Variants in SLC15A5 observed in about 807,000 individuals in gnomAD.
SLC15A5 encodes Peptide/histidine transporter ENSP00000340402.
A neutral mutation model predicts 56.1 loss-of-function variants in SLC15A5; 58 were observed. The ratio of observed to expected loss-of-function variants is 1.03; its 90% CI spans 0.84 to 1.29. The LOEUF is 1.29. Ranked by LOEUF, SLC15A5 falls within the 50% of genes most tolerant of loss-of-function variation. The pLI is 0.00. For missense variants in SLC15A5, 681 were observed against 672.1 expected (o/e 1.01, Z -0.15); for synonymous variants, 264 against 250.5 (o/e 1.05, Z -0.51).
intron 6 of SLC15A5, among the ~76,000 whole-genome samples, chr12:16,220,327 A>G (rs1248907445): frequency 6.6e-6 from 1 of 152,030 alleles, no homozygotes; most frequent in Non-Finnish European, 1.5e-5. Context: ...TCTCATTGTC[A>G]CACTCTCTGG....
At chr12:16,251,454 T>G (rs561721857) in intron 3 of SLC15A5, among the ~76,000 whole-genome samples, 52 of 151,388 alleles carry the variant, frequency 3.4e-4, no homozygotes, top group Non-Finnish European at 7.4e-5. Flanking sequence ...CTAAGAAAAA[T>G]AGAGGAAAGA....
intron 3 of SLC15A5, among the ~76,000 whole-genome samples, chr12:16,253,813 C>T (rs1864542688): frequency 6.6e-6 from 1 of 151,994 alleles, no homozygotes; most frequent in Admixed American, 6.6e-5. Flanking sequence ...TTGTGGGTAA[C>T]CCTTGTGCAC....
chr12:16,272,781 T>G lies in SLC15A5; in HGVS notation c.364A>C (p.Thr122Pro). ...YICLFLHFLG[T>P]ALLSVVAFPL... ...AAAGCCACCACAGATAACAAAGCAGTGCCTGTAGGTGGAGAAAAAAAAAGA... is the reference window on the plus strand; with the variant it reads ...AAAGCCACCACAGATAACAAAGCAGGGCCTGTAGGTGGAGAAAAAAAAAGA... Residue 122 changes from threonine to proline, a missense_variant and splice_region_variant, in exon 2 of 9, where the codon ACT (threonine) becomes CCT (proline). Physicochemically the swap from Thr to Pro is conservative, Grantham distance 38. Transcript: ENST00000344941. 1 of 1,536,450 alleles carries G rather than the reference T, an allele frequency of 6.5e-7. No individual in the cohort carries two copies. Among genetic ancestry groups the G allele is most frequent in the South Asian group, 1.2e-5 (1 of 84,034 alleles).
intron 5 of SLC15A5, among the ~76,000 whole-genome samples, chr12:16,226,937 A>G (rs1864247803): frequency 6.6e-6 from 1 of 152,222 alleles, no homozygotes; most frequent in Non-Finnish European, 1.5e-5. Context: ...ACAATTTTAG[A>G]TAAGGCAAAG....
intron 5 of SLC15A5, among the ~76,000 whole-genome samples, chr12:16,234,524 A>T (rs935794248): frequency 6.6e-6 from 1 of 152,182 alleles, no homozygotes; most frequent in African/African-American, 2.4e-5. Flanking sequence ...TGAGATAATA[A>T]CACACCCAAA....
chr12:16,218,326 C>T (rs373794809), intron 6 of SLC15A5, among the ~76,000 whole-genome samples: 2 of 152,020 alleles, frequency 1.3e-5, no homozygotes, highest in African/African-American at 2.4e-5. Context: ...TTGTGCTTTG[C>T]GAATCTTTCC....
intron 2 of SLC15A5, among the ~76,000 whole-genome samples, chr12:16,260,380 A>G (rs1864631411): frequency 6.6e-6 from 1 of 152,080 alleles, no homozygotes; most frequent in African/African-American, 2.4e-5. Context: ...ACCTTTTGGA[A>G]TCTCCCTACG....
At chr12:16,274,458 T>C (rs1219322004) in intron 1 of SLC15A5, among the ~76,000 whole-genome samples, 1 of 152,158 alleles carries the variant, frequency 6.6e-6, no homozygotes, top group Non-Finnish European at 1.5e-5. Context: ...TGTGATTTGT[T>C]TTCTCAATTA....
intron 4 of SLC15A5, among the ~76,000 whole-genome samples, chr12:16,242,417 G>A (rs182303970): frequency 6.6e-5 from 8 of 121,154 alleles, no homozygotes; most frequent in East Asian, 4.9e-4. Flanking sequence ...AAAGCATGGC[G>A]CTTGACACTA....
intron 2 of SLC15A5, among the ~76,000 whole-genome samples, chr12:16,260,904 C>G (rs1864637351): frequency 6.6e-6 from 1 of 152,044 alleles, no homozygotes; most frequent in Non-Finnish European, 1.5e-5. Context: ...AGAAGATGAT[C>G]TTTTCCTCAG....
chr12:16,232,741 C>A (rs1864310324), intron 5 of SLC15A5, among the ~76,000 whole-genome samples: 1 of 152,020 alleles, frequency 6.6e-6, no homozygotes, highest in South Asian at 2.1e-4. Context: ...CATGACATAA[C>A]CCCATCTCTA....
intron 7 of SLC15A5, among the ~76,000 whole-genome samples, chr12:16,200,656 A>T (rs1863946370): frequency 6.6e-6 from 1 of 152,250 alleles, no homozygotes; most frequent in African/African-American, 2.4e-5. Context: ...CTAACTGGTC[A>T]ATGAAGAAAT....
At chr12:16,236,542 T>C (rs1252524780) in intron 5 of SLC15A5, among the ~76,000 whole-genome samples, 2 of 152,204 alleles carry the variant, frequency 1.3e-5, no homozygotes, top group Non-Finnish European at 2.9e-5. Flanking sequence ...TGTTATTGCA[T>C]TGTTTATGAG....
At chr12:16,193,537 A>G (rs1863859140) in intron 8 of SLC15A5, among the ~76,000 whole-genome samples, 1 of 152,040 alleles carries the variant, frequency 6.6e-6, no homozygotes, top group South Asian at 2.1e-4. Flanking sequence ...GCAAAGGTGA[A>G]GTGACAATGG....
At chr12:16,239,594 G>A (rs1864390707) in intron 5 of SLC15A5, 87 bp downstream of exon 5, 1 of 1,289,780 alleles carries the variant, frequency 7.8e-7, no homozygotes, top group Non-Finnish European at 1.1e-6. Flanking sequence ...ACACTACTCA[G>A]GAGCATATAG....
In SLC15A5 at chr12:16,271,256, C is replaced by CT. The variant is rs1462717804; in HGVS notation, c.584+1304dup. Reference sequence around the variant, plus strand: ...AATGTCACTTTGATTAAACACAACTCTGAATGACTAAGACCACAGTACAAT... The same window carrying CT: ...AATGTCACTTTGATTAAACACAACTCTTGAATGACTAAGACCACAGTACAAT... On this transcript the variant is annotated intron_variant, in intron 2 of 8. Coordinates refer to ENST00000344941, the MANE Select transcript of SLC15A5 (RefSeq NM_001170798.1). The surrounding 1 kb of genome is among the most constrained non-coding windows in gnomAD (Gnocchi z 8.0). Among the ~76,000 whole-genome samples the CT allele has an allele frequency of 1.3e-5, 2 of 152,170 alleles. No individual in the cohort carries two copies. The highest frequency in any genetic ancestry group is 2.9e-5 in the Non-Finnish European group (2 of 68,034).
intron 3 of SLC15A5, among the ~76,000 whole-genome samples, chr12:16,245,976 A>G (rs768317058): frequency 3.3e-5 from 5 of 152,188 alleles, no homozygotes; most frequent in Non-Finnish European, 5.9e-5. Context: ...TAATAGACCC[A>G]TTATGTCAGC....
intron 3 of SLC15A5, among the ~76,000 whole-genome samples, chr12:16,251,924 A>G (rs974749227): frequency 3.3e-5 from 5 of 152,044 alleles, no homozygotes; most frequent in Admixed American, 6.6e-5. Context: ...ACCAAGTTCA[A>G]TAGCACATTA....
At chr12:16,236,221 G>A (rs1223092301) in intron 5 of SLC15A5, among the ~76,000 whole-genome samples, 1 of 152,048 alleles carries the variant, frequency 6.6e-6, no homozygotes, top group Non-Finnish European at 1.5e-5. Flanking sequence ...TACTCATAGT[G>A]TAAACATTTG....
Sources: allele counts gnomAD v4.1 joint callset (sites outside exome capture counted in the v4.1 genomes callset), GRCh38; gene constraint gnomAD v4.1.1; non-coding constraint Gnocchi (gnomAD v3.1); transcripts MANE v1.5; gene names NCBI Gene and HGNC (gene_info 2026-07-23, HGNC 2026-07-21).